The following LRP1B variants were observed in gnomAD, a reference collection of about 807,000 sequenced individuals.
LRP1B encodes the protein LDL receptor related protein 1B.
In LRP1B, 217 loss-of-function variants were observed where a neutral mutation model predicts 556.6. The ratio of observed to expected loss-of-function variants is 0.39; its 90% CI spans 0.35 to 0.44. The LOEUF is 0.44. LRP1B is among the 20% of genes least tolerant of loss of function. LRP1B has a pLI of 1.00. For missense variants in LRP1B, 5,053 were observed against 5,620.8 expected, an observed-to-expected ratio of 0.90 and a Z score of 3.23; for synonymous variants, 2,047 against 1,865.8, an observed-to-expected ratio of 1.10 and a Z score of -2.50.
chr2:140,684,829 G>C (rs1331318198), intron 41 of LRP1B, among the ~76,000 whole-genome samples: 1 of 152,184 alleles, frequency 6.6e-6, no homozygotes, highest in East Asian at 1.9e-4. Flanking sequence ...CTGGGCCCAA[G>C]ATGCGAGGGG....
intron 2 of LRP1B, among the ~76,000 whole-genome samples, chr2:141,559,782 T>C (rs1023752088): frequency 6.6e-6 from 1 of 151,728 alleles, no homozygotes; most frequent in Non-Finnish European, 1.5e-5. Flanking sequence ...TAGAAATCTG[T>C]GATAAATTCA....
At chr2:140,246,182 A>G (rs1681152109) in intron 87 of LRP1B, among the ~76,000 whole-genome samples, 1 of 151,248 alleles carries the variant, frequency 6.6e-6, no homozygotes, top group Non-Finnish European at 1.5e-5. Flanking sequence ...CTTTTTCACT[A>G]ACTCTGAAAC....
chr2:141,532,813 C>G (rs768597007), intron 2 of LRP1B, among the ~76,000 whole-genome samples: 5 of 151,952 alleles, frequency 3.3e-5, no homozygotes, highest in South Asian at 2.1e-4. Flanking sequence ...TAGTGAAACC[C>G]CGTCTCTACT....
At chr2:141,291,035 TA>T (rs1417877951) in intron 3 of LRP1B, among the ~76,000 whole-genome samples, 3 of 151,704 alleles carry the variant, frequency 2.0e-5, no homozygotes, top group East Asian at 1.9e-4. Flanking sequence ...GAAAAAAAGG[TA>T]AAAAAAATTT....
At chr2:140,823,216 A>C (rs145995686) in intron 31 of LRP1B, among the ~76,000 whole-genome samples, 27 of 152,234 alleles carry the variant, frequency 1.8e-4, no homozygotes, top group Non-Finnish European at 3.5e-4. Context: ...TTTTCTCCTC[A>C]CATTCTGGAA....
In LRP1B at chr2:140,781,310, A is replaced by G. The variant is rs193144890; in HGVS notation, c.5360-5072T>C. ...GGTTGTTGCAGTCATCTAAAAGCTT[A>G]TCTTTCATCATGCATAATTCTTGCT... On this transcript the variant is annotated intron_variant, in intron 32 of 90. Transcript: ENST00000389484. Among the ~76,000 whole-genome samples the G allele has an allele frequency of 2.1e-3, 315 of 152,306 alleles. 1 individual carries two copies. The highest frequency in any genetic ancestry group is 7.4e-3 in the African/African-American group (306 of 41,576).
At chr2:141,578,383 C>A (rs949632294) in intron 2 of LRP1B, among the ~76,000 whole-genome samples, 1 of 138,954 alleles carries the variant, frequency 7.2e-6, no homozygotes, top group African/African-American at 2.7e-5. Flanking sequence ...GGTGACAGGG[C>A]GAGAGTCCTT....
intron 66 of LRP1B, among the ~76,000 whole-genome samples, chr2:140,439,133 T>G (rs189790379): frequency 8.6e-4 from 131 of 152,312 alleles, no homozygotes; most frequent in Non-Finnish European, 1.6e-3. Flanking sequence ...TCTTAAATAT[T>G]CTATTAGTTC....
At chr2:141,424,900 T>G (rs148701926) in intron 3 of LRP1B, among the ~76,000 whole-genome samples, 1 of 152,154 alleles carries the variant, frequency 6.6e-6, no homozygotes, top group Non-Finnish European at 1.5e-5. Context: ...AATGCAAAAT[T>G]GTGCTGCTGA....
At chr2:141,056,222 A>G (rs1003006008) in intron 9 of LRP1B, among the ~76,000 whole-genome samples, 3 of 151,876 alleles carry the variant, frequency 2.0e-5, no homozygotes, top group Admixed American at 2.0e-4. Context: ...GTTATTTTCC[A>G]ACCTGACTCC....
rs1244140486 is a variant in LRP1B, at chr2:142,029,935, C to G, written c.82+100713G>C. On this transcript the variant is annotated intron_variant, in intron 1 of 90. Coordinates refer to ENST00000389484, the MANE Select transcript of LRP1B (RefSeq NM_018557.3). ...TTAGAGCTTGCAATAAATATCTCAT[C>G]ATTACTCAAACTTGCTGAACACTGA... Among the ~76,000 whole-genome samples the G allele has an allele frequency of 3.3e-5, 5 of 151,720 alleles. No homozygotes were observed. In the East Asian group the frequency reaches 7.8e-4, roughly 24 times the overall value.
chr2:140,265,455 A>G (rs1246744055), intron 86 of LRP1B, among the ~76,000 whole-genome samples: 1 of 152,136 alleles, frequency 6.6e-6, no homozygotes, highest in Non-Finnish European at 1.5e-5. Flanking sequence ...ATCAAGAGAC[A>G]AAAGTGAATC....
At chr2:140,947,655 A>G (rs930699141) in intron 20 of LRP1B, among the ~76,000 whole-genome samples, 2 of 152,230 alleles carry the variant, frequency 1.3e-5, no homozygotes, top group South Asian at 2.1e-4. Context: ...AAGAATAATG[A>G]ATAGAAATAT....
At position 142,060,989 on chromosome 2, in the gene LRP1B, G is replaced by T. The variant is rs7577836; in HGVS notation, c.82+69659C>A. Among the ~76,000 whole-genome samples the T allele has an allele frequency of 6.2e-3, 944 of 152,018 alleles. 9 individuals carry two copies. Among genetic ancestry groups the T allele is most frequent in the African/African-American group, 0.021 (871 of 41,496 alleles). On this transcript the variant is annotated intron_variant, in intron 1 of 90. Transcript: ENST00000389484. ...AAGCTTTTAAGGAAACAGGAGTGAA[G>T]TTAGAACTTGAGATATAAGAGGATT...
At chr2:141,913,837 C>T (rs1299322889) in intron 1 of LRP1B, among the ~76,000 whole-genome samples, 3 of 152,180 alleles carry the variant, frequency 2.0e-5, no homozygotes, top group East Asian at 3.9e-4. Flanking sequence ...ACCTCCACCT[C>T]CCAGGTTCAA....
chr2:142,077,025 C>T (rs1705526231), intron 1 of LRP1B, among the ~76,000 whole-genome samples: 1 of 152,050 alleles, frequency 6.6e-6, no homozygotes, highest in African/African-American at 2.4e-5. Context: ...AACACCAAAA[C>T]ATTTATTAAC....
At chr2:142,103,245 A>T (rs981304242) in intron 1 of LRP1B, among the ~76,000 whole-genome samples, 5 of 151,960 alleles carry the variant, frequency 3.3e-5, no homozygotes, top group African/African-American at 1.2e-4. Context: ...AAATTATGAG[A>T]TTAATTTGTG....
At chr2:141,848,995 C>T (rs2105771307) in intron 1 of LRP1B, among the ~76,000 whole-genome samples, 1 of 151,600 alleles carries the variant, frequency 6.6e-6, no homozygotes, top group South Asian at 2.1e-4. Context: ...CAAGATCCTA[C>T]AAAAGGATAA....
intron 23 of LRP1B, chr2:140,898,752 A>G: frequency 3.5e-6 from 2 of 575,710 alleles, no homozygotes; most frequent in Non-Finnish European, 6.6e-6. Flanking sequence ...CTCTACCCTC[A>G]AGACCCTGAG....
Sources: allele counts gnomAD v4.1 joint callset (sites outside exome capture counted in the v4.1 genomes callset), GRCh38; gene constraint gnomAD v4.1.1; transcripts MANE v1.5; gene names NCBI Gene and HGNC (gene_info 2026-07-23, HGNC 2026-07-21).